The following PTPRQ variants were observed in gnomAD, a reference collection of about 807,000 sequenced individuals.
The protein encoded by PTPRQ is phosphatidylinositol phosphatase PTPRQ.
In PTPRQ, 199 loss-of-function variants were observed where a neutral mutation model predicts 246.0. That is an observed-to-expected ratio of 0.81 (90% CI 0.72 to 0.91). The LOEUF is 0.91. Among genes scored for constraint, PTPRQ ranks in the 40% least tolerant of loss-of-function variants. The pLI is 0.00. For missense variants in PTPRQ, 2,624 were observed against 2,528.4 expected, an observed-to-expected ratio of 1.04 and a Z score of -0.81; for synonymous variants, 869 against 853.2, an observed-to-expected ratio of 1.02 and a Z score of -0.32.
intron 33 of PTPRQ, among the ~76,000 whole-genome samples, chr12:80,630,668 A>G (rs1435985071): frequency 6.6e-6 from 1 of 152,116 alleles, no homozygotes; most frequent in African/African-American, 2.4e-5. Flanking sequence ...TTTAGAATAC[A>G]TTTATGTTTG....
Position 80,670,315 on chromosome 12 carries a change from G to C in PTPRQ, c.6454-29G>C. On this transcript the variant is annotated intron_variant, in intron 41 of 44. Coordinates refer to ENST00000644991, the MANE Select transcript of PTPRQ (RefSeq NM_001145026.2). ...TTCATTGTGGAACTTAAATAATTTT[G>C]TCATTCATTAATCCGTCCCTTTGTC... 3 of 1,544,522 alleles carry C rather than the reference G, an allele frequency of 1.9e-6. No individual in the cohort carries two copies. In the Admixed American group the frequency reaches 6.0e-5, roughly 31 times the overall value.
intron 3 of PTPRQ, among the ~76,000 whole-genome samples, chr12:80,455,359 C>T (rs1892943362): frequency 6.6e-6 from 1 of 151,840 alleles, no homozygotes; most frequent in African/African-American, 2.4e-5. Flanking sequence ...ATAATTTAGC[C>T]CTTATAACTG....
intron 17 of PTPRQ, among the ~76,000 whole-genome samples, chr12:80,520,228 A>T (rs1396965134): frequency 6.6e-6 from 1 of 151,964 alleles, no homozygotes; most frequent in African/African-American, 2.4e-5. Context: ...TGTTGGAGGG[A>T]CTGGTAGGAG....
At chr12:80,611,097 C>T (rs1898533283) in intron 28 of PTPRQ, among the ~76,000 whole-genome samples, 1 of 150,370 alleles carries the variant, frequency 6.7e-6, no homozygotes, top group Admixed American at 6.6e-5. Context: ...CAGCTGTTGT[C>T]TTCCCTTAGT....
chr12:80,595,254 G>A (rs1041445163), intron 26 of PTPRQ, among the ~76,000 whole-genome samples: 78 of 151,946 alleles, frequency 5.1e-4, no homozygotes, highest in Non-Finnish European at 2.9e-4. Context: ...CTTTAGTGGG[G>A]CTTTGAGTTC....
chr12:80,445,780 G>A, intron 3 of PTPRQ, 63 bp downstream of exon 3: 3 of 1,179,160 alleles, frequency 2.5e-6, no homozygotes, highest in South Asian at 2.6e-5. Context: ...AAGTGTGGGA[G>A]GTTTTTCTCA....
chr12:80,563,258 C>A (rs1896879681), intron 25 of PTPRQ, among the ~76,000 whole-genome samples: 1 of 152,128 alleles, frequency 6.6e-6, no homozygotes, highest in Admixed American at 6.5e-5. Context: ...GGTGAGGGCC[C>A]ATTTTCGTGT....
intron 35 of PTPRQ, among the ~76,000 whole-genome samples, chr12:80,642,781 G>T (rs1371803490): frequency 6.7e-6 from 1 of 149,926 alleles, no homozygotes; most frequent in East Asian, 2.0e-4. Flanking sequence ...TTAGCCGGGC[G>T]TAGTGGCGGG....
At chr12:80,656,578 A>C (rs1195932873) in intron 38 of PTPRQ, among the ~76,000 whole-genome samples, 2 of 152,114 alleles carry the variant, frequency 1.3e-5, no homozygotes, top group African/African-American at 4.8e-5. Flanking sequence ...AACTTGGTAA[A>C]ATTTCTCAGG....
In PTPRQ at chr12:80,445,476, A is replaced by AT. The variant is rs1341280916; in HGVS notation, c.164-9dup. 8.9e-6 allele frequency: 13 copies of AT among 1,461,440 alleles called. No homozygotes were observed. The highest frequency in any genetic ancestry group is 1.4e-5 in the African/African-American group (1 of 70,080). 90.5% of individuals were successfully genotyped at this position (1,461,440 alleles called of 1,614,324 possible). On this transcript the variant is annotated splice_polypyrimidine_tract_variant and intron_variant, in intron 2 of 44. Transcript: ENST00000644991. ...ATTATTTGACCTTTTAACAAAATGGATTTTTTAAAAATAGAACCAGGGCCT... is the reference window on the plus strand; with the variant it reads ...ATTATTTGACCTTTTAACAAAATGGATTTTTTTAAAAATAGAACCAGGGCCT...
intron 9 of PTPRQ, among the ~76,000 whole-genome samples, chr12:80,491,817 C>T (rs1894458708): frequency 6.6e-6 from 1 of 151,712 alleles, no homozygotes; most frequent in African/African-American, 2.4e-5. Flanking sequence ...ATTCCTAAGG[C>T]CTAGAAAACC....
At chr12:80,502,636 G>A (rs1894837368) in intron 14 of PTPRQ, among the ~76,000 whole-genome samples, 1 of 151,906 alleles carries the variant, frequency 6.6e-6, no homozygotes, top group Admixed American at 6.6e-5. Context: ...GCCTGAGCAT[G>A]TAGGGAAATG....
Position 80,613,680 on chromosome 12 carries a change from A to C in PTPRQ, c.5007A>C (p.Gln1669His). The C allele has an allele frequency of 6.5e-7, 1 of 1,546,232 alleles. No homozygotes were observed. Among genetic ancestry groups the C allele is most frequent in the Non-Finnish European group, 8.7e-7 (1 of 1,143,246 alleles). Residue 1669 changes from glutamine (Q) to histidine (H), a missense_variant, in exon 29 of 45, where the codon CAA (glutamine) becomes CAC (histidine). Gln to His is a conservative substitution (Grantham distance 24). Coordinates refer to ENST00000644991, the MANE Select transcript of PTPRQ (RefSeq NM_001145026.2). ...KFQLTFLPPSQPNGNIQVYQA... is the reference protein window; with the variant it reads ...KFQLTFLPPSHPNGNIQVYQA... Reference sequence around the variant, plus strand: ...AATTAACGTTCCTTCCTCCTTCTCAACCTAATGGAAATATCCAAGTATATC... The same window carrying C: ...AATTAACGTTCCTTCCTCCTTCTCACCCTAATGGAAATATCCAAGTATATC...
chr12:80,541,513 G>T, intron 20 of PTPRQ, 42 bp from the exon 21 acceptor site: 3 of 1,388,802 alleles, frequency 2.2e-6, no homozygotes, highest in Admixed American at 3.0e-5. Flanking sequence ...TTCTGTTTAG[G>T]GTAACTGATG....
chr12:80,551,777 C>T (rs754312015), intron 25 of PTPRQ, among the ~76,000 whole-genome samples: 1 of 151,718 alleles, frequency 6.6e-6, no homozygotes, highest in Non-Finnish European at 1.5e-5. Flanking sequence ...GCTGATGTCT[C>T]CAGCCAAACT....
intron 32 of PTPRQ, 92 bp downstream of exon 32, chr12:80,620,468 A>G: frequency 1.3e-6 from 2 of 1,510,554 alleles, no homozygotes; most frequent in Non-Finnish European, 1.8e-6. Flanking sequence ...TCTTTCCAAT[A>G]AGCACTGGAT....
intron 33 of PTPRQ, among the ~76,000 whole-genome samples, chr12:80,628,220 A>G (rs1235661153): frequency 6.6e-6 from 1 of 152,130 alleles, no homozygotes; most frequent in Non-Finnish European, 1.5e-5. Context: ...TGTACCTAAA[A>G]TACTTTAGGT....
intron 10 of PTPRQ, among the ~76,000 whole-genome samples, chr12:80,494,427 A>T (rs1442211696): frequency 6.6e-6 from 1 of 152,078 alleles, no homozygotes; most frequent in Non-Finnish European, 1.5e-5. Context: ...ATATGGTGAA[A>T]TTTGAGTCCA....
intron 35 of PTPRQ, among the ~76,000 whole-genome samples, chr12:80,637,075 C>T (rs1048768853): frequency 9.2e-5 from 14 of 152,156 alleles, no homozygotes; most frequent in Non-Finnish European, 2.9e-5. Context: ...GCCTGGCTAG[C>T]ATGGTGAAAC....
Sources: allele counts gnomAD v4.1 joint callset (sites outside exome capture counted in the v4.1 genomes callset), GRCh38; gene constraint gnomAD v4.1.1; transcripts MANE v1.5; gene names NCBI Gene and HGNC (gene_info 2026-07-23, HGNC 2026-07-21).